Variants in ZNF628 observed in about 807,000 individuals in gnomAD.
ZNF628 encodes zinc finger protein Zec.
In ZNF628, 3 loss-of-function variants were observed where a neutral mutation model predicts 2.5. The ratio of observed to expected loss-of-function variants is 1.19; its 90% CI spans 0.54 to 3.07. The LOEUF (loss-of-function observed/expected upper bound fraction) is 3.07, where lower values mean the gene tolerates loss of function less well. Among genes scored for constraint, ZNF628 ranks in the 30% most tolerant of loss-of-function variants. The pLI, the probability that ZNF628 is intolerant of heterozygous loss-of-function variation, is 0.03. For synonymous variants in ZNF628, 861 were observed against 717.1 expected, an observed-to-expected ratio of 1.20 and a Z score of -3.21; for missense variants, 1,610 against 1,517.1, an observed-to-expected ratio of 1.06 and a Z score of -1.02.
In ZNF628 at chr19:55,483,888, G is replaced by C; in HGVS notation, c.2695G>C (p.Glu899Gln). 6.2e-7 allele frequency: 1 copy of C among 1,603,772 alleles called. No individual in the cohort carries two copies. Among genetic ancestry groups the C allele is most frequent in the Non-Finnish European group, 8.5e-7 (1 of 1,174,204 alleles). ...GGTTGTTCAGAGCGGGGCAGCTGAG[G>C]AGTTGCTCACTGGCCCGGGCCCCGG... ...LLVVQSGAAE[E>Q]LLTGPGPGEA... The change falls in exon 3 of 3, where the codon GAG (glutamate) becomes CAG (glutamine). Residue 899 changes from glutamate (E) to glutamine (Q), a missense_variant. Physicochemically the swap from Glu to Gln is conservative, Grantham distance 29. Coordinates refer to ENST00000598519, the MANE Select transcript of ZNF628 (RefSeq NM_033113.3).
rs1986789599 is a variant in ZNF628, at chr19:55,483,155, A to G, written c.1962A>G (p.Thr654=). Residue 654 remains threonine (T), a synonymous_variant, in exon 3 of 3, where the codon ACA becomes ACG. Transcript: ENST00000598519. ...HAPANTPPST[T]APAAGPQPPA... ...CGGCCAACACGCCTCCCAGCACCACAGCCCCTGCCGCCGGCCCCCAGCCCC... is the reference window on the plus strand; with the variant it reads ...CGGCCAACACGCCTCCCAGCACCACGGCCCCTGCCGCCGGCCCCCAGCCCC... 3 of 1,563,544 alleles carry G rather than the reference A, an allele frequency of 1.9e-6. No homozygotes were observed. The highest frequency in any genetic ancestry group is 2.6e-6 in the Non-Finnish European group (3 of 1,161,964).
At position 55,484,128 on chromosome 19, in the gene ZNF628, A is replaced by G. The variant is rs2123416154; in HGVS notation, c.2935A>G (p.Ser979Gly). The change falls in exon 3 of 3, where the codon AGC (serine) becomes GGC (glycine). Residue 979 changes from serine (S) to glycine (G), a missense_variant. By Grantham distance (56) the Ser-to-Gly change is moderately conservative. Around this residue, in one of 5 missense-constraint regions of ZNF628, gnomAD observed 712 missense variants for 603.6 expected, o/e 1.18. Transcript: ENST00000598519. ...CGGACAGAAACTCCTCATCATCCGC[A>G]GCGCCCCAGCCACTGAGCTGCTGGA... Reference protein sequence around the residue: ...PPGQKLLIIRSAPATELLDSS... With the variant: ...PPGQKLLIIRGAPATELLDSS... The G allele has an allele frequency of 6.3e-7, 1 of 1,587,602 alleles. No individual in the cohort carries two copies. The highest frequency in any genetic ancestry group is 1.3e-5 in the African/African-American group (1 of 74,086).
intron 1 of ZNF628, among the ~76,000 whole-genome samples, chr19:55,477,854 C>A (rs1395175787): frequency 1.3e-5 from 2 of 152,222 alleles, no homozygotes; most frequent in Non-Finnish European, 2.9e-5. Context: ...ACTGCGCACA[C>A]ACTCTGCCAG....
In ZNF628 at chr19:55,481,294, C is replaced by T. The variant is rs1042732256; in HGVS notation, c.101C>T (p.Ala34Val). ...KPGPAAPAPAAQYECGECGKS... is the reference protein window; with the variant it reads ...KPGPAAPAPAVQYECGECGKS... ...GGCCCTGCGGCCCCTGCCCCGGCGG[C>T]CCAGTACGAATGTGGGGAGTGTGGC... The change falls in exon 3 of 3, where the codon GCC becomes GTC. Residue 34 changes from alanine to valine, a missense_variant. This residue lies in a region of ZNF628 where 166 missense variants were observed against 241.3 expected (regional missense o/e 0.69). Transcript: ENST00000598519. 6.8e-6 allele frequency: 11 copies of T among 1,606,328 alleles called. No individual in the cohort carries two copies. Among genetic ancestry groups the T allele is most frequent in the Admixed American group, 1.7e-5 (1 of 59,070 alleles).
In ZNF628 at chr19:55,482,699, G is replaced by T. The variant is rs751441124; in HGVS notation, c.1506G>T (p.Arg502=). 2 of 1,610,262 alleles carry T rather than the reference G, an allele frequency of 1.2e-6. No individual in the cohort carries two copies. Among genetic ancestry groups the T allele is most frequent in the East Asian group, 2.2e-5 (1 of 44,650 alleles). The change falls in exon 3 of 3, where the codon CGG becomes CGT. Residue 502 remains arginine (R), a synonymous_variant. Coordinates refer to ENST00000598519, the MANE Select transcript of ZNF628 (RefSeq NM_033113.3). ...CCTCCCTGCTGGCCATCCACCAGCG[G>T]GTGCACACGGGCCTGCGGGCCTTCA... ...KRSSLLAIHQ[R]VHTGLRAFTC...
rs1010875151 is a variant in ZNF628 at position 55,482,907 on chromosome 19, G to C, written c.1714G>C (p.Gly572Arg). The C allele has an allele frequency of 1.1e-5, 18 of 1,607,570 alleles. No homozygotes were observed. The highest frequency in any genetic ancestry group is 1.5e-5 in the Non-Finnish European group (18 of 1,177,696). The change falls in exon 3 of 3, where the codon GGC becomes CGC. Residue 572 changes from glycine to arginine, a missense_variant. Physicochemically the swap from Gly to Arg is moderately radical, Grantham distance 125. This residue lies in a region of ZNF628 where 651 missense variants were observed against 575.6 expected (regional missense o/e 1.13). Coordinates refer to ENST00000598519, the MANE Select transcript of ZNF628 (RefSeq NM_033113.3). Reference protein sequence around the residue: ...GERPHACGVCGKSFAQTSNLR... With the variant: ...GERPHACGVCRKSFAQTSNLR... ...GAGGCCCCACGCCTGCGGTGTCTGC[G>C]GCAAGAGCTTCGCGCAGACCTCCAA...
rs1986712856 is a variant in ZNF628 at position 55,481,827 on chromosome 19, A to C, written c.634A>C (p.Thr212Pro). The C allele has an allele frequency of 6.3e-7, 1 of 1,594,976 alleles. No homozygotes were observed. Among genetic ancestry groups the C allele is most frequent in the African/African-American group, 1.3e-5 (1 of 74,176 alleles). Residue 212 changes from threonine to proline, a missense_variant, in exon 3 of 3, where the codon ACC becomes CCC. Physicochemically the swap from Thr to Pro is conservative, Grantham distance 38. Around this residue, in one of 5 missense-constraint regions of ZNF628, gnomAD observed 651 missense variants for 575.6 expected, o/e 1.13. Transcript: ENST00000598519. Reference protein sequence around the residue: ...RPFRCPLCPKTFTHSSNLLLH... With the variant: ...RPFRCPLCPKPFTHSSNLLLH... Reference sequence around the variant, plus strand: ...CTTCCGCTGCCCGCTCTGCCCCAAGACCTTCACCCACTCCTCCAACCTGCT... The same window carrying C: ...CTTCCGCTGCCCGCTCTGCCCCAAGCCCTTCACCCACTCCTCCAACCTGCT...
At position 55,482,924 on chromosome 19, in the gene ZNF628, G is replaced by C; in HGVS notation, c.1731G>C (p.Gln577His). The change falls in exon 3 of 3, where the codon CAG (glutamine) becomes CAC (histidine). Residue 577 changes from glutamine (Q) to histidine (H), a missense_variant. Physicochemically the swap from Gln to His is conservative, Grantham distance 24. Transcript: ENST00000598519. ...GTGTCTGCGGCAAGAGCTTCGCGCA[G>C]ACCTCCAACCTGCGGCAGCACCAGC... is the stretch of plus-strand genomic sequence containing the variant. The part of the protein sequence containing the change: ...ACGVCGKSFA[Q>H]TSNLRQHQRV... 6.2e-7 allele frequency: 1 copy of C among 1,608,176 alleles called. No homozygotes were observed. The highest frequency in any genetic ancestry group is 8.5e-7 in the Non-Finnish European group (1 of 1,178,488).
chr19:55,484,390 C>T lies in ZNF628; in HGVS notation c.*17C>T. ...ACGTTTTGAGGAGAGGCAGTGATTC[C>T]CCTCCCGCCCCGCACAGAGACCCCG... On this transcript the variant is annotated 3_prime_UTR_variant, in exon 3 of 3. Transcript: ENST00000598519. The T allele has an allele frequency of 7.0e-7, 1 of 1,437,560 alleles. No individual in the cohort carries two copies. 89.1% of individuals were successfully genotyped at this position (1,437,560 alleles called of 1,614,324 possible).
In ZNF628 at chr19:55,479,608, C is replaced by T. The variant is rs4801677; in HGVS notation, c.-77-226C>T. ...TGACATTGTGGATGGGATTGTTCTCCGCTGTGGGGCCGTCCTGTGAATTGT... is the reference window on the plus strand; with the variant it reads ...TGACATTGTGGATGGGATTGTTCTCTGCTGTGGGGCCGTCCTGTGAATTGT... On this transcript the variant is annotated intron_variant, in intron 1 of 2. Coordinates refer to ENST00000598519, the MANE Select transcript of ZNF628 (RefSeq NM_033113.3). This position sits in a 1 kb window ranked among gnomAD's most constrained non-coding sequence, Gnocchi z 5.1. Among the ~76,000 whole-genome samples the T allele has an allele frequency of 6.6e-6, 1 of 152,110 alleles. No homozygotes were observed. The highest frequency in any genetic ancestry group is 2.1e-4 in the South Asian group (1 of 4,822).
intron 1 of ZNF628, 54 bp downstream of exon 1, chr19:55,476,861 TGCAGGGGGTGGG>T (rs1265884170): frequency 3.4e-4 from 6 of 17,536 alleles, no homozygotes; most frequent in African/African-American, 1.3e-3. Context: ...GCGGAGAAGT[TGCAGGGGGTGGG>T]GCGGGGGGGG....
rs200197263 is a variant in ZNF628 at position 55,483,119 on chromosome 19, G to A, written c.1926G>A (p.Arg642=). 78 of 1,597,646 alleles carry A rather than the reference G, an allele frequency of 4.9e-5. 1 individual carries two copies. The East Asian group carries it at 1.7e-3, about 34-fold the overall frequency. Residue 642 remains arginine (R), a synonymous_variant, in exon 3 of 3, where the codon AGG becomes AGA. Transcript: ENST00000598519. ...CCGCCTATCTGCAGCGGCACCTGAGGACGCACGCCCCGGCCAACACGCCTC... is the reference window on the plus strand; with the variant it reads ...CCGCCTATCTGCAGCGGCACCTGAGAACGCACGCCCCGGCCAACACGCCTC... ...VMAAYLQRHL[R]THAPANTPPS... is the part of the protein sequence containing the mutation.
chr19:55,481,800 C>G lies in ZNF628; in HGVS notation c.607C>G (p.Pro203Ala). The G allele has an allele frequency of 3.7e-6, 6 of 1,604,158 alleles. No individual in the cohort carries two copies. The highest frequency in any genetic ancestry group is 5.1e-6 in the Non-Finnish European group (6 of 1,176,156). The change falls in exon 3 of 3, where the codon CCC becomes GCC. Residue 203 changes from proline to alanine, a missense_variant. Coordinates refer to ENST00000598519, the MANE Select transcript of ZNF628 (RefSeq NM_033113.3). ...CCAGCGCGTGCACACGGGCGAGCGG[C>G]CCTTCCGCTGCCCGCTCTGCCCCAA... ...QHQRVHTGERPFRCPLCPKTF... is the reference protein window; with the variant it reads ...QHQRVHTGERAFRCPLCPKTF...
chr19:55,483,424 T>A lies in ZNF628; in HGVS notation c.2231T>A (p.Leu744Gln). The change falls in exon 3 of 3, where the codon CTG becomes CAG. Residue 744 changes from leucine (L) to glutamine (Q), a missense_variant. By Grantham distance (113) the Leu-to-Gln change is moderately radical (BLOSUM62 -2). Around this residue, in one of 5 missense-constraint regions of ZNF628, gnomAD observed 712 missense variants for 603.6 expected, o/e 1.18. Transcript: ENST00000598519. ...CCTCCCGCACCTCCCAAGCTCATCCTGCTGCCCTCCTCCAGTGCTGGGGCT... is the reference window on the plus strand; with the variant it reads ...CCTCCCGCACCTCCCAAGCTCATCCAGCTGCCCTCCTCCAGTGCTGGGGCT... Reference protein sequence around the residue: ...PPPPAPPKLILLPSSSAGAGG... With the variant: ...PPPPAPPKLIQLPSSSAGAGG... 1 of 1,519,882 alleles carries A rather than the reference T, an allele frequency of 6.6e-7. No homozygotes were observed. Among genetic ancestry groups the A allele is most frequent in the Non-Finnish European group, 8.8e-7 (1 of 1,135,956 alleles). 94.1% of individuals were successfully genotyped at this position (1,519,882 alleles called of 1,614,324 possible).
rs551284706 is a variant in ZNF628, at chr19:55,483,534, G to A, written c.2341G>A (p.Gly781Ser). ...AGTGGTCTGGCTGCCAGGCCCTGGG[G>A]GTCTAGGGGTGCAGGGAGCGGCCAG... ...AGVVWLPGPGGLGVQGAASAG... is the reference protein window; with the variant it reads ...AGVVWLPGPGSLGVQGAASAG... Residue 781 changes from glycine (G) to serine (S), a missense_variant, in exon 3 of 3, where the codon GGT becomes AGT. Around this residue, in one of 5 missense-constraint regions of ZNF628, gnomAD observed 712 missense variants for 603.6 expected, o/e 1.18. Transcript: ENST00000598519. 6 of 1,576,424 alleles carry A rather than the reference G, an allele frequency of 3.8e-6. No individual in the cohort carries two copies. Among genetic ancestry groups the A allele is most frequent in the Non-Finnish European group, 4.3e-6 (5 of 1,159,746 alleles).
rs1425829995 is a variant in ZNF628 at position 55,484,305 on chromosome 19, C to G, written c.3112C>G (p.Pro1038Ala). The change falls in exon 3 of 3, where the codon CCT becomes GCT. Residue 1038 changes from proline (P) to alanine (A), a missense_variant. Physicochemically the swap from Pro to Ala is conservative, Grantham distance 27 (BLOSUM62 -1). This residue lies in a region of ZNF628 where 712 missense variants were observed against 603.6 expected (regional missense o/e 1.18). Coordinates refer to ENST00000598519, the MANE Select transcript of ZNF628 (RefSeq NM_033113.3). The stretch of plus-strand genomic sequence containing the variant: ...AGGAGCTGGGCCTGGTGTTATGACC[C>G]CTCAGGGCCTGCCCTCCATCCAGAT... ...PAGAGPGVMT[P>A]QGLPSIQIVQ... The G allele has an allele frequency of 4.6e-6, 7 of 1,509,024 alleles. No homozygotes were observed. Among genetic ancestry groups the G allele is most frequent in the Admixed American group, 4.7e-5 (2 of 42,748 alleles). The allele number at this position is 1,509,024 out of a possible 1,614,324, so 93.5% of individuals were successfully genotyped here. A position where few individuals can be genotyped will look rare whatever the true frequency, so the allele number is the denominator to read the frequency against.
Position 55,482,508 on chromosome 19 carries a change from G to GC in ZNF628, c.1315_1316insC (p.Val439AlafsTer447). The GC allele has an allele frequency of 3.9e-5, 50 of 1,295,976 alleles. No homozygotes were observed. The highest frequency in any genetic ancestry group is 4.9e-5 in the Non-Finnish European group (48 of 971,092). 80.3% of individuals were successfully genotyped at this position (1,295,976 alleles called of 1,614,324 possible). A position where few individuals can be genotyped will look rare whatever the true frequency, so the allele number is the denominator to read the frequency against. On this transcript the variant is annotated frameshift_variant, in exon 3 of 3. Coordinates refer to ENST00000598519, the MANE Select transcript of ZNF628 (RefSeq NM_033113.3). LOFTEE classifies it low-confidence loss of function (END_TRUNC). ...GGAACCGCTGGCGCCTGCCGCCCCCGTCCCGCCGCCACCCCCGTCCGCCCC... is the reference window on the plus strand; with the variant it reads ...GGAACCGCTGGCGCCTGCCGCCCCCGCTCCCGCCGCCACCCCCGTCCGCCCC...
intron 2 of ZNF628, among the ~76,000 whole-genome samples, chr19:55,480,249 CT>C (rs35704154): frequency 2.3e-4 from 30 of 128,214 alleles, no homozygotes; most frequent in East Asian, 4.3e-4. Context: ...TTTTTTTTTC[CT>C]TTTTTTTTTT....
Position 55,481,364 on chromosome 19 carries a change from G to C in ZNF628, c.171G>C (p.Thr57=), listed in dbSNP as rs1438674786. The C allele has an allele frequency of 6.2e-6, 10 of 1,612,896 alleles. No homozygotes were observed. The highest frequency in any genetic ancestry group is 1.7e-4 in the Middle Eastern group (1 of 6,058). Residue 57 remains threonine (T), a synonymous_variant, in exon 3 of 3, where the codon ACG becomes ACC. Coordinates refer to ENST00000598519, the MANE Select transcript of ZNF628 (RefSeq NM_033113.3). ...CCCGGCTCCTGCACCACCAGCGCAC[G>C]CACACAGGCGAGCGGCCCTACAAGT... ...WSSRLLHHQR[T]HTGERPYKCP...
Sources: allele counts gnomAD v4.1 joint callset (sites outside exome capture counted in the v4.1 genomes callset), GRCh38; gene constraint gnomAD v4.1.1; regional missense constraint gnomAD v4.1.1; non-coding constraint Gnocchi (gnomAD v3.1); transcripts MANE v1.5; gene names NCBI Gene and HGNC (gene_info 2026-07-23, HGNC 2026-07-21).